Variants in CHCHD3 observed in about 807,000 individuals in gnomAD.
CHCHD3 encodes the protein coiled-coil-helix-coiled-coil-helix domain containing 3, also known as MICOS complex subunit MIC19.
Under a neutral mutation model 38.2 loss-of-function variants are expected in CHCHD3, and 20 were observed. The observed-to-expected ratio is 0.52, with a 90% CI of 0.37 to 0.76. CHCHD3 has a LOEUF of 0.76. Ranked by LOEUF, CHCHD3 falls within the 30% of genes least tolerant of loss-of-function variation. The probability of loss-of-function intolerance (pLI) is 0.00; values close to 1 mark genes in which losing one functional copy is unlikely to be tolerated. For missense variants in CHCHD3, 245 were observed against 279.2 expected, an observed-to-expected ratio of 0.88 and a Z score of 0.87; for synonymous variants, 82 against 100.0, an observed-to-expected ratio of 0.82 and a Z score of 1.07.
chr7:132,824,609 C>T (rs938597350), intron 6 of CHCHD3, among the ~76,000 whole-genome samples: 1 of 152,268 alleles, frequency 6.6e-6, no homozygotes, highest in Middle Eastern at 3.4e-3. Flanking sequence ...CCACCACGCT[C>T]GGCCACCAAG....
intron 4 of CHCHD3, among the ~76,000 whole-genome samples, chr7:132,930,724 T>A (rs2117254244): frequency 6.6e-6 from 1 of 152,302 alleles, no homozygotes; most frequent in South Asian, 2.1e-4. Context: ...CCCTAAGTTC[T>A]TGCAACATTA....
intron 7 of CHCHD3, among the ~76,000 whole-genome samples, chr7:132,790,795 G>A (rs1281237426): frequency 3.3e-5 from 5 of 152,186 alleles, no homozygotes; most frequent in African/African-American, 1.2e-4. Flanking sequence ...GGGTGACTGG[G>A]AGCAGTAGAA....
intron 1 of CHCHD3, among the ~76,000 whole-genome samples, chr7:133,081,238 C>G (rs919613422): frequency 3.3e-5 from 5 of 152,164 alleles, no homozygotes; most frequent in African/African-American, 1.2e-4. Flanking sequence ...TCCAAAACTT[C>G]GGCGCAGCAG....
chr7:132,931,124 C>A (rs1810505023), intron 4 of CHCHD3, among the ~76,000 whole-genome samples: 1 of 152,170 alleles, frequency 6.6e-6, no homozygotes, highest in Non-Finnish European at 1.5e-5. Context: ...ACAAGAGTGA[C>A]AAGTAGGGAT....
chr7:132,997,081 A>T (rs1163925438), intron 3 of CHCHD3, among the ~76,000 whole-genome samples: 3 of 152,216 alleles, frequency 2.0e-5, no homozygotes, highest in Non-Finnish European at 4.4e-5. Context: ...TAGTGCTCAA[A>T]TCCCACGCAG....
At chr7:133,036,550 T>A (rs1813682196) in intron 2 of CHCHD3, among the ~76,000 whole-genome samples, 1 of 152,200 alleles carries the variant, frequency 6.6e-6, no homozygotes, top group Admixed American at 6.5e-5. Flanking sequence ...ATCTGGTTCA[T>A]CTTAAATAGG....
At chr7:132,968,043 A>C (rs1811520440) in intron 4 of CHCHD3, among the ~76,000 whole-genome samples, 1 of 152,214 alleles carries the variant, frequency 6.6e-6, no homozygotes, top group Non-Finnish European at 1.5e-5. Flanking sequence ...TTTTCACTGC[A>C]GTAGCAAACA....
chr7:132,824,733 T>C (rs1003114603), intron 6 of CHCHD3, among the ~76,000 whole-genome samples: 1 of 152,216 alleles, frequency 6.6e-6, no homozygotes, highest in Non-Finnish European at 1.5e-5. Flanking sequence ...CATATTCCAC[T>C]AGACCTCTCC....
intron 3 of CHCHD3, among the ~76,000 whole-genome samples, chr7:133,020,238 T>C (rs779098240): frequency 1.8e-4 from 27 of 152,120 alleles, no homozygotes; most frequent in Non-Finnish European, 3.8e-4. Context: ...TTTGTAAAAA[T>C]GAAAATATAT....
intron 6 of CHCHD3, among the ~76,000 whole-genome samples, chr7:132,796,941 G>A (rs897760817): frequency 6.6e-6 from 1 of 152,138 alleles, no homozygotes; most frequent in Admixed American, 6.5e-5. Context: ...CTACGGCCTG[G>A]TCCTCCTGCT....
chr7:132,842,076 C>T (rs1032153753), intron 5 of CHCHD3, among the ~76,000 whole-genome samples: 5 of 151,400 alleles, frequency 3.3e-5, no homozygotes, highest in African/African-American at 7.3e-5. Context: ...CCAGCCTGGG[C>T]GACAGAGCAA....
intron 7 of CHCHD3, among the ~76,000 whole-genome samples, chr7:132,787,567 C>G (rs769923206): frequency 6.6e-6 from 1 of 151,732 alleles, no homozygotes; most frequent in Non-Finnish European, 1.5e-5. Context: ...GGTGAGACAT[C>G]CAAAATGGAA....
intron 3 of CHCHD3, among the ~76,000 whole-genome samples, chr7:133,018,504 C>T (rs1003532209): frequency 6.6e-6 from 1 of 152,100 alleles, no homozygotes; most frequent in East Asian, 1.9e-4. Context: ...ATCAATAGTA[C>T]TGATTCCCTG....
In CHCHD3 at chr7:133,060,988, AACAG is replaced by A. The variant is rs1031320782; in HGVS notation, c.169+9150_169+9153del. Among the ~76,000 whole-genome samples the A allele has an allele frequency of 3.9e-3, 599 of 152,286 alleles. 7 individuals are homozygous for A. Among genetic ancestry groups the A allele is most frequent in the African/African-American group, 0.014 (574 of 41,552 alleles). On this transcript the variant is annotated intron_variant, in intron 2 of 7. Transcript: ENST00000262570. The stretch of plus-strand genomic sequence containing the variant: ...ATGACTAGACAAAGAAGTTCAACAC[AACAG>A]ACAAAGGTCTGTCTGCCAGCAAGGT...
chr7:132,894,965 T>C (rs1022396880), intron 4 of CHCHD3, among the ~76,000 whole-genome samples: 1 of 152,218 alleles, frequency 6.6e-6, no homozygotes. Flanking sequence ...AGGGCTTCAG[T>C]CATCCATGTC....
Position 132,796,622 on chromosome 7 carries a change from A to G in CHCHD3, c.525-45T>C, listed in dbSNP as rs752800193. 5.1e-6 allele frequency: 8 copies of G among 1,570,444 alleles called. No homozygotes were observed. The African/African-American group carries it at 5.4e-5, about 11-fold the overall frequency. ...CCGCTGAGACCAATGGTCTTCATTCAGAATAAAAATCAAGGTTAAAGAACA... is the reference window on the plus strand; with the variant it reads ...CCGCTGAGACCAATGGTCTTCATTCGGAATAAAAATCAAGGTTAAAGAACA... On this transcript the variant is annotated intron_variant, in intron 6 of 7. Coordinates refer to ENST00000262570, the MANE Select transcript of CHCHD3 (RefSeq NM_017812.4).
intron 5 of CHCHD3, among the ~76,000 whole-genome samples, chr7:132,859,296 A>G (rs1808423259): frequency 6.6e-6 from 1 of 152,178 alleles, no homozygotes; most frequent in African/African-American, 2.4e-5. Flanking sequence ...GCCCATTTTA[A>G]TTACAAACAA....
At chr7:132,827,457 T>C (rs1361419047) in intron 6 of CHCHD3, among the ~76,000 whole-genome samples, 1 of 152,210 alleles carries the variant, frequency 6.6e-6, no homozygotes, top group African/African-American at 2.4e-5. Context: ...GACTGTGACC[T>C]GTCACATGAG....
chr7:132,881,178 T>A (rs1033933177), intron 5 of CHCHD3, among the ~76,000 whole-genome samples: 2 of 152,162 alleles, frequency 1.3e-5, no homozygotes, highest in African/African-American at 4.8e-5. Context: ...AGTGTCCAGT[T>A]AAATTACACT....
Sources: allele counts gnomAD v4.1 joint callset (sites outside exome capture counted in the v4.1 genomes callset), GRCh38; gene constraint gnomAD v4.1.1; transcripts MANE v1.5; gene names NCBI Gene and HGNC (gene_info 2026-07-23, HGNC 2026-07-21).